Variants in MACROD2 observed in about 807,000 individuals in gnomAD.
MACROD2 encodes mono-ADP ribosylhydrolase 2, also known as ADP-ribose glycohydrolase MACROD2.
A neutral mutation model predicts 70.4 loss-of-function variants in MACROD2; 36 were observed. The ratio of observed to expected loss-of-function variants is 0.51; its 90% CI spans 0.39 to 0.68. MACROD2 has a LOEUF of 0.68. MACROD2 is among the 30% of genes least tolerant of loss of function. MACROD2 has a pLI of 0.00. For synonymous variants in MACROD2, 172 were observed against 178.8 expected, an observed-to-expected ratio of 0.96 and a Z score of 0.30; for missense variants, 496 against 538.4, an observed-to-expected ratio of 0.92 and a Z score of 0.78.
chr20:15,638,515 A>G (rs1359784274), intron 8 of MACROD2, among the ~76,000 whole-genome samples: 2 of 152,216 alleles, frequency 1.3e-5, no homozygotes, highest in Non-Finnish European at 2.9e-5. Flanking sequence ...TCATTAGACA[A>G]GACCAATAGT....
At chr20:14,851,736 G>T (rs1036222329) in intron 5 of MACROD2, among the ~76,000 whole-genome samples, 1 of 152,084 alleles carries the variant, frequency 6.6e-6, no homozygotes, top group Non-Finnish European at 1.5e-5. Flanking sequence ...ATAAAAAATT[G>T]TACTCTTCAT....
chr20:15,871,145 C>A (rs1323575474), intron 9 of MACROD2, among the ~76,000 whole-genome samples: 2 of 133,158 alleles, frequency 1.5e-5, no homozygotes, highest in Non-Finnish European at 3.1e-5. Flanking sequence ...CATTGCACTC[C>A]AGTCTGGGTG....
intron 4 of MACROD2, among the ~76,000 whole-genome samples, chr20:14,673,919 TCAA>T (rs2070827445): frequency 1.4e-5 from 1 of 70,286 alleles, no homozygotes; most frequent in Non-Finnish European, 2.6e-5. Flanking sequence ...AAACTCCATC[TCAA>T]AAAAAAAAAA....
chr20:15,482,921 T>C (rs1422019221), intron 7 of MACROD2, among the ~76,000 whole-genome samples: 1 of 152,144 alleles, frequency 6.6e-6, no homozygotes, highest in Non-Finnish European at 1.5e-5. Flanking sequence ...GTTGTTCATT[T>C]ATTTATTAGT....
chr20:14,961,987 T>A (rs2074587399), intron 5 of MACROD2, among the ~76,000 whole-genome samples: 1 of 152,136 alleles, frequency 6.6e-6, no homozygotes, highest in Admixed American at 6.5e-5. Context: ...CCTTTTTGTT[T>A]GTTTGTTTTT....
chr20:14,659,833 T>C (rs1482831752), intron 4 of MACROD2, among the ~76,000 whole-genome samples: 2 of 152,226 alleles, frequency 1.3e-5, no homozygotes, highest in Non-Finnish European at 2.9e-5. Context: ...GCCATTTCTT[T>C]TGGTGTTTCT....
At chr20:15,633,323 C>T (rs548580002) in intron 8 of MACROD2, among the ~76,000 whole-genome samples, 1 of 152,134 alleles carries the variant, frequency 6.6e-6, no homozygotes, top group Non-Finnish European at 1.5e-5. Flanking sequence ...CTGGACCTTA[C>T]AGTAAGCACT....
intron 5 of MACROD2, among the ~76,000 whole-genome samples, chr20:14,816,750 A>G (rs1428374026): frequency 2.0e-5 from 3 of 152,046 alleles, no homozygotes; most frequent in Non-Finnish European, 4.4e-5. Flanking sequence ...GACTACATTC[A>G]GGTATAGTTG....
chr20:14,341,245 T>G (rs2083009725), intron 3 of MACROD2, among the ~76,000 whole-genome samples: 1 of 152,246 alleles, frequency 6.6e-6, no homozygotes, highest in Non-Finnish European at 1.5e-5. Flanking sequence ...GATTTAATCT[T>G]AGAAGACATT....
chr20:15,278,971 T>G (rs2077418503), intron 6 of MACROD2, among the ~76,000 whole-genome samples: 1 of 152,236 alleles, frequency 6.6e-6, no homozygotes, highest in African/African-American at 2.4e-5. Flanking sequence ...CGCCTTGCAG[T>G]CTGACTATTC....
At chr20:14,260,240 T>C (rs1002906485) in intron 3 of MACROD2, among the ~76,000 whole-genome samples, 1 of 152,184 alleles carries the variant, frequency 6.6e-6, no homozygotes, top group Non-Finnish European at 1.5e-5. Context: ...TGGACATACA[T>C]TTATTTGTGT....
intron 6 of MACROD2, among the ~76,000 whole-genome samples, chr20:15,259,416 ATGT>A (rs1568674417): frequency 6.6e-6 from 1 of 151,978 alleles, no homozygotes; most frequent in East Asian, 1.9e-4. Context: ...TTGACAGGCA[ATGT>A]TGTATTTACT....
At chr20:14,390,920 G>A (rs775650121) in intron 3 of MACROD2, among the ~76,000 whole-genome samples, 1 of 152,092 alleles carries the variant, frequency 6.6e-6, no homozygotes, top group Non-Finnish European at 1.5e-5. Context: ...AAACCACAAT[G>A]AGATACCATC....
At chr20:14,710,928 A>G (rs975116328) in intron 5 of MACROD2, among the ~76,000 whole-genome samples, 1 of 152,160 alleles carries the variant, frequency 6.6e-6, no homozygotes, top group Non-Finnish European at 1.5e-5. Flanking sequence ...TTCTCCTGAG[A>G]GATCTCATTC....
chr20:15,468,362 A>T (rs1407502993), intron 7 of MACROD2, among the ~76,000 whole-genome samples: 3 of 151,936 alleles, frequency 2.0e-5, no homozygotes, highest in African/African-American at 4.8e-5. Flanking sequence ...TTTAGCCTTG[A>T]TGGTGTCTTA....
intron 3 of MACROD2, among the ~76,000 whole-genome samples, chr20:14,467,470 T>C (rs1303160172): frequency 6.6e-6 from 1 of 152,054 alleles, no homozygotes; most frequent in Non-Finnish European, 1.5e-5. Flanking sequence ...AATTCCCTGA[T>C]CCTTTGTGCT....
At chr20:14,182,702 A>T (rs2081314311) in intron 3 of MACROD2, among the ~76,000 whole-genome samples, 1 of 152,040 alleles carries the variant, frequency 6.6e-6, no homozygotes, top group African/African-American at 2.4e-5. Flanking sequence ...GTTTTTAAAA[A>T]TACTCTTAAG....
At chr20:15,253,662 G>T (rs2077174667) in intron 6 of MACROD2, among the ~76,000 whole-genome samples, 1 of 152,054 alleles carries the variant, frequency 6.6e-6, no homozygotes, top group African/African-American at 2.4e-5. Context: ...CTTCCGCTGG[G>T]GCAAGAATAA....
intron 5 of MACROD2, among the ~76,000 whole-genome samples, chr20:14,768,047 A>G (rs1192896007): frequency 6.6e-6 from 1 of 152,094 alleles, no homozygotes; most frequent in East Asian, 1.9e-4. Context: ...GTTGTTGGAC[A>G]TTTTGGTTGG....
Sources: gnomAD v4.1 joint callset for allele counts (sites outside exome capture counted in the v4.1 genomes callset) on GRCh38, gnomAD v4.1.1 for gene constraint, MANE v1.5 for transcripts, NCBI Gene and HGNC (gene_info 2026-07-23, HGNC 2026-07-21) for gene names.